SHANK2: variants seen among roughly 807,000 people sequenced by gnomAD.
SHANK2 encodes the protein SH3 and multiple ankyrin repeat domains 2.
In SHANK2, 43 loss-of-function variants were observed where a neutral mutation model predicts 133.7. The ratio of observed to expected loss-of-function variants is 0.32; its 90% CI spans 0.25 to 0.41. The LOEUF is 0.41. SHANK2 is among the 10% of genes least tolerant of loss of function. SHANK2 has a pLI of 1.00. For missense variants in SHANK2, 1,994 were observed against 2,235.8 expected, an observed-to-expected ratio of 0.89 and a Z score of 2.18; for synonymous variants, 1,017 against 952.8, an observed-to-expected ratio of 1.07 and a Z score of -1.24.
chr11:70,858,045 T>C (rs1555067117), intron 11 of SHANK2, among the ~76,000 whole-genome samples: 2 of 152,156 alleles, frequency 1.3e-5, no homozygotes, highest in African/African-American at 4.8e-5. Flanking sequence ...ATTATTCAGA[T>C]CATAGCACAC....
chr11:70,682,610 G>A (rs1174331281), intron 15 of SHANK2, among the ~76,000 whole-genome samples: 1 of 152,202 alleles, frequency 6.6e-6, no homozygotes, highest in Non-Finnish European at 1.5e-5. Context: ...TGGAAAAGTG[G>A]GCACTGTTGT....
intron 1 of SHANK2, among the ~76,000 whole-genome samples, chr11:71,234,881 T>A (rs1954805687): frequency 6.6e-6 from 1 of 151,986 alleles, no homozygotes; most frequent in African/African-American, 2.4e-5. Context: ...GAAACATGTA[T>A]ACAAATGTTC....
chr11:70,543,178 G>A lies in SHANK2; in HGVS notation c.2062-40247C>T, dbSNP rs150791922. On this transcript the variant is annotated intron_variant, in intron 17 of 25. Coordinates refer to ENST00000601538, the MANE Select transcript of SHANK2 (RefSeq NM_012309.5). Reference sequence around the variant, plus strand: ...AGGATGCTCTGTTAGAGAAAGGCACGGAGGAGCCACACACAGTCTGCGTTG... The same window carrying A: ...AGGATGCTCTGTTAGAGAAAGGCACAGAGGAGCCACACACAGTCTGCGTTG... Among the ~76,000 whole-genome samples the A allele has an allele frequency of 3.5e-3, 540 of 152,326 alleles. 5 individuals are homozygous for A. The highest frequency in any genetic ancestry group is 0.012 in the African/African-American group (518 of 41,570).
chr11:70,714,241 C>T (rs1353677303), intron 14 of SHANK2, among the ~76,000 whole-genome samples: 2 of 152,304 alleles, frequency 1.3e-5, no homozygotes, highest in South Asian at 2.1e-4. Context: ...GCTGAGGACA[C>T]GGAGGAGAAG....
chr11:70,722,866 T>C (rs1399662450), intron 14 of SHANK2, among the ~76,000 whole-genome samples: 1 of 152,234 alleles, frequency 6.6e-6, no homozygotes, highest in Non-Finnish European at 1.5e-5. Context: ...AGGAGAATAA[T>C]GTGCTCAGAA....
chr11:71,200,667 T>C (rs1954000925), intron 2 of SHANK2, among the ~76,000 whole-genome samples: 1 of 152,152 alleles, frequency 6.6e-6, no homozygotes, highest in Non-Finnish European at 1.5e-5. Flanking sequence ...GGCAGCCACA[T>C]GTTAACCAAT....
intron 9 of SHANK2, among the ~76,000 whole-genome samples, chr11:71,067,093 G>GA (rs1438705297): frequency 6.6e-6 from 1 of 152,184 alleles, no homozygotes; most frequent in Non-Finnish European, 1.5e-5. Flanking sequence ...AGAGCTGGGG[G>GA]AGGTGAAGGA....
At chr11:71,132,646 G>A (rs1952340106) in intron 3 of SHANK2, among the ~76,000 whole-genome samples, 1 of 152,114 alleles carries the variant, frequency 6.6e-6, no homozygotes, top group African/African-American at 2.4e-5. Flanking sequence ...AACAGAGGAA[G>A]GGTCCACATA....
rs1944556338 is a variant in SHANK2, at chr11:70,661,975, A to C, written c.1854-297T>G. 3.2e-5 allele frequency: 21 copies of C among 655,166 alleles called. No individual in the cohort carries two copies. The South Asian group carries it at 3.7e-4, about 11-fold the overall frequency. 40.6% of individuals were successfully genotyped at this position (655,166 alleles called of 1,614,324 possible). On this transcript the variant is annotated intron_variant, in intron 15 of 25. Transcript: ENST00000601538. ...GGGGCGGCTGCCTGAGGGATGGCTG[A>C]GCTGGAGGCTCAAGGGGGGCTGGCC...
chr11:71,167,401 G>T (rs2135490044), intron 2 of SHANK2, among the ~76,000 whole-genome samples: 2 of 148,154 alleles, frequency 1.3e-5, no homozygotes, highest in Non-Finnish European at 3.0e-5. Flanking sequence ...AGGGCGGCTG[G>T]CCGGGCGGGG....
At chr11:71,124,538 A>G (rs1555102318) in intron 3 of SHANK2, among the ~76,000 whole-genome samples, 1 of 152,066 alleles carries the variant, frequency 6.6e-6, no homozygotes, top group Non-Finnish European at 1.5e-5. Context: ...GTATAATATT[A>G]TTATTACTGT....
intron 17 of SHANK2, among the ~76,000 whole-genome samples, chr11:70,549,089 G>GGA (rs2059732274): frequency 6.6e-6 from 1 of 152,154 alleles, no homozygotes; most frequent in Non-Finnish European, 1.5e-5. Flanking sequence ...AGGGTCTGTG[G>GGA]GACGCTGTGA....
intron 2 of SHANK2, among the ~76,000 whole-genome samples, chr11:71,205,954 G>A (rs1381000663): frequency 6.6e-6 from 1 of 152,096 alleles, no homozygotes; most frequent in East Asian, 1.9e-4. Flanking sequence ...GGGACCTCTG[G>A]GGAGAAAAGC....
chr11:70,932,427 C>T (rs1478122559), intron 10 of SHANK2, among the ~76,000 whole-genome samples: 1 of 152,250 alleles, frequency 6.6e-6, no homozygotes, highest in Non-Finnish European at 1.5e-5. Context: ...CGCGCACGTG[C>T]GGCCCCGCTA....
chr11:70,596,470 TG>T (rs1554989574), intron 17 of SHANK2, among the ~76,000 whole-genome samples: 1 of 152,126 alleles, frequency 6.6e-6, no homozygotes, highest in Non-Finnish European at 1.5e-5. Flanking sequence ...TCTAGGGTTC[TG>T]GGGTTGGAAG....
chr11:70,784,856 A>G (rs1261090784), intron 14 of SHANK2, among the ~76,000 whole-genome samples: 1 of 152,154 alleles, frequency 6.6e-6, no homozygotes, highest in Non-Finnish European at 1.5e-5. Flanking sequence ...CGCCACTGCT[A>G]AGAGCCCTCC....
intron 1 of SHANK2, among the ~76,000 whole-genome samples, chr11:71,235,547 C>G (rs1954816277): frequency 6.6e-6 from 1 of 151,454 alleles, no homozygotes; most frequent in Non-Finnish European, 1.5e-5. Flanking sequence ...TGAGCCAAGA[C>G]CATCCAATGC....
At chr11:70,747,180 G>T (rs893749238) in intron 14 of SHANK2, among the ~76,000 whole-genome samples, 3 of 151,962 alleles carry the variant, frequency 2.0e-5, no homozygotes, top group Admixed American at 2.0e-4. Context: ...AGACTGAAGG[G>T]CTGGGTGGGG....
chr11:71,098,109 A>G (rs7935996), intron 6 of SHANK2, among the ~76,000 whole-genome samples: 97,873 of 148,960 alleles, frequency 0.66, 32,021 homozygotes, highest in African/African-American at 0.74. Context: ...GCCTATGTGT[A>G]TGCATGCCTG....
Sources: allele counts gnomAD v4.1 joint callset (sites outside exome capture counted in the v4.1 genomes callset), GRCh38; gene constraint gnomAD v4.1.1; transcripts MANE v1.5; gene names NCBI Gene and HGNC (gene_info 2026-07-23, HGNC 2026-07-21).